XXYLT1: variants seen among roughly 807,000 people sequenced by gnomAD.
The protein encoded by XXYLT1 is UDP-xylose:alpha-xyloside alpha-1,3-xylosyltransferase.
In XXYLT1, 20 loss-of-function variants were observed where a neutral mutation model predicts 28.9. That is an observed-to-expected ratio of 0.69 (90% CI 0.49 to 1.00). XXYLT1 has a LOEUF of 1.00. Among genes scored for constraint, XXYLT1 ranks in the 50% least tolerant of loss-of-function variants. The pLI, the probability that XXYLT1 is intolerant of heterozygous loss-of-function variation, is 0.00. For missense variants in XXYLT1, 542 were observed against 560.1 expected (o/e 0.97, Z 0.33); for synonymous variants, 257 against 253.8 (o/e 1.01, Z -0.12).
At chr3:195,268,549 G>T (rs1335271650) in intron 1 of XXYLT1, among the ~76,000 whole-genome samples, 6 of 151,574 alleles carry the variant, frequency 4.0e-5, no homozygotes, top group African/African-American at 1.5e-4. Flanking sequence ...AGTGAGCTGA[G>T]ATCGTGCCAC....
intron 3 of XXYLT1, among the ~76,000 whole-genome samples, chr3:195,107,271 C>G (rs1394318384): frequency 6.6e-6 from 1 of 151,530 alleles, no homozygotes; most frequent in Non-Finnish European, 1.5e-5. Context: ...GTCGGGAGTT[C>G]GAGACCAGCC....
intron 2 of XXYLT1, among the ~76,000 whole-genome samples, chr3:195,166,230 CTAAT>C (rs1322202229): frequency 2.6e-5 from 4 of 152,018 alleles, no homozygotes; most frequent in African/African-American, 9.7e-5. Flanking sequence ...CACTTCAGCA[CTAAT>C]TAGTCTATTT....
At chr3:195,144,597 C>T (rs1313619677) in intron 3 of XXYLT1, among the ~76,000 whole-genome samples, 4 of 151,918 alleles carry the variant, frequency 2.6e-5, no homozygotes, top group African/African-American at 4.8e-5. Context: ...AGGCTGGTCT[C>T]GAACTCCTGA....
At chr3:195,186,437 T>A (rs1318924356) in intron 2 of XXYLT1, among the ~76,000 whole-genome samples, 1 of 152,310 alleles carries the variant, frequency 6.6e-6, no homozygotes, top group East Asian at 1.9e-4. Flanking sequence ...GACCGGGGTG[T>A]GCTCCAGGCA....
intron 1 of XXYLT1, among the ~76,000 whole-genome samples, chr3:195,253,741 C>T (rs1297124533): frequency 1.3e-5 from 2 of 151,974 alleles, no homozygotes; most frequent in Non-Finnish European, 2.9e-5. Context: ...TCAGGTGATC[C>T]GCCCGCCTCG....
chr3:195,163,740 G>A (rs376747707), intron 2 of XXYLT1, among the ~76,000 whole-genome samples: 2 of 152,202 alleles, frequency 1.3e-5, no homozygotes, highest in African/African-American at 4.8e-5. Flanking sequence ...CGGAGGGCAT[G>A]GCTGCTCCAT....
intron 3 of XXYLT1, among the ~76,000 whole-genome samples, chr3:195,112,763 G>GCA (rs140157095): frequency 0.47 from 69,055 of 146,464 alleles, 17,165 homozygotes; most frequent in Middle Eastern, 0.56. Flanking sequence ...GTGCGCGCAT[G>GCA]CACACACACA....
rs1453782527 is a variant in XXYLT1 at position 195,255,199 on chromosome 3, G to A, written c.504+15356C>T. Reference sequence around the variant, plus strand: ...GTCGGACTAAACCAGCAGAAAAGGCGGTTTCCGAGTACCATGCTCGCACAA... The same window carrying A: ...GTCGGACTAAACCAGCAGAAAAGGCAGTTTCCGAGTACCATGCTCGCACAA... On this transcript the variant is annotated intron_variant, in intron 1 of 3. Coordinates refer to ENST00000310380, the MANE Select transcript of XXYLT1 (RefSeq NM_152531.5). This position sits in a 1 kb window ranked among gnomAD's most constrained non-coding sequence, Gnocchi z 4.5. Among the ~76,000 whole-genome samples, 1 of 152,204 alleles carries A rather than the reference G, an allele frequency of 6.6e-6. No individual in the cohort carries two copies. Among genetic ancestry groups the A allele is most frequent in the Admixed American group, 6.5e-5 (1 of 15,278 alleles).
chr3:195,095,439 C>A (rs1716380727), intron 3 of XXYLT1: 1 of 153,854 alleles, frequency 6.5e-6, no homozygotes, highest in Non-Finnish European at 1.5e-5. Context: ...CAGCACAGAA[C>A]CTGTGCCCCA....
intron 3 of XXYLT1, among the ~76,000 whole-genome samples, chr3:195,079,321 G>A (rs1715297786): frequency 6.6e-6 from 1 of 152,144 alleles, no homozygotes; most frequent in South Asian, 2.1e-4. Flanking sequence ...GGCAAACAGA[G>A]GACAGAGGGG....
chr3:195,211,610 T>A (rs1230058602), intron 2 of XXYLT1, among the ~76,000 whole-genome samples: 2 of 152,160 alleles, frequency 1.3e-5, no homozygotes, highest in Non-Finnish European at 2.9e-5. Context: ...GGAGCTTACA[T>A]CTGGGTGGGG....
chr3:195,170,613 C>G (rs569175731), intron 2 of XXYLT1, among the ~76,000 whole-genome samples: 100 of 152,350 alleles, frequency 6.6e-4, no homozygotes, highest in Non-Finnish European at 1.3e-3. Context: ...TGCTACATTT[C>G]CCCATCTCTT....
chr3:195,270,269 A>G, intron 1 of XXYLT1: 1 of 614,034 alleles, frequency 1.6e-6, no homozygotes, highest in Non-Finnish European at 2.7e-6. Flanking sequence ...CGTTAGCAAA[A>G]TGGGGGCGCG....
intron 1 of XXYLT1, among the ~76,000 whole-genome samples, chr3:195,258,239 CAG>C (rs1241279284): frequency 6.6e-6 from 1 of 152,138 alleles, no homozygotes; most frequent in African/African-American, 2.4e-5. Flanking sequence ...AGACCCCACT[CAG>C]GGGGATAGTG....
intron 3 of XXYLT1, among the ~76,000 whole-genome samples, chr3:195,109,954 A>ATG (rs1214304825): frequency 3.7e-5 from 1 of 27,212 alleles, no homozygotes; most frequent in African/African-American, 1.2e-4. Context: ...GTGTGCGTGC[A>ATG]TGTGTGTGTG....
rs1329748223 is a variant in XXYLT1, at chr3:195,257,899, C to T, written c.504+12656G>A. On this transcript the variant is annotated intron_variant, in intron 1 of 3. Transcript: ENST00000310380. The surrounding 1 kb of genome is among the most constrained non-coding windows in gnomAD (Gnocchi z 4.3). The stretch of plus-strand genomic sequence containing the variant: ...GTGTATATCCTCCAAGCTCCCTGCC[C>T]CCCAGCCAGCCTCTCCATCCTCACA... Among the ~76,000 whole-genome samples the T allele has an allele frequency of 1.3e-5, 2 of 152,114 alleles. No individual in the cohort carries two copies. Among genetic ancestry groups the T allele is most frequent in the African/African-American group, 4.8e-5 (2 of 41,424 alleles).
chr3:195,103,829 C>A (rs1716942340), intron 3 of XXYLT1, among the ~76,000 whole-genome samples: 1 of 152,214 alleles, frequency 6.6e-6, no homozygotes, highest in Non-Finnish European at 1.5e-5. Context: ...CAGTCCCTGG[C>A]ATAACTAGCT....
At chr3:195,099,152 T>TTGC (rs1716624277) in intron 3 of XXYLT1, among the ~76,000 whole-genome samples, 1 of 152,160 alleles carries the variant, frequency 6.6e-6, no homozygotes, top group Non-Finnish European at 1.5e-5. Flanking sequence ...AAACAACCGC[T>TTGC]TGCTGTTGAA....
chr3:195,212,367 C>G (rs968760498), intron 2 of XXYLT1, among the ~76,000 whole-genome samples: 1 of 152,206 alleles, frequency 6.6e-6, no homozygotes, highest in Non-Finnish European at 1.5e-5. Flanking sequence ...AACGTGGTAA[C>G]GGAGTTAAAT....
Sources: allele counts gnomAD v4.1 joint callset (sites outside exome capture counted in the v4.1 genomes callset), GRCh38; gene constraint gnomAD v4.1.1; non-coding constraint Gnocchi (gnomAD v3.1); transcripts MANE v1.5; gene names NCBI Gene and HGNC (gene_info 2026-07-23, HGNC 2026-07-21).